The following DCLK2 variants were observed in gnomAD, a reference collection of about 807,000 sequenced individuals.
DCLK2 encodes the protein doublecortin like kinase 2.
DCLK2 carries 31 observed loss-of-function variants against 78.4 expected under a neutral mutation model. The observed-to-expected ratio is 0.40, with a 90% CI of 0.30 to 0.53. The LOEUF (loss-of-function observed/expected upper bound fraction) is 0.53, where lower values mean the gene tolerates loss of function less well. Among genes scored for constraint, DCLK2 ranks in the 20% least tolerant of loss-of-function variants. DCLK2 has a pLI of 0.61. For synonymous variants in DCLK2, 407 were observed against 374.9 expected (o/e 1.09, Z -0.99); for missense variants, 872 against 973.7 (o/e 0.90, Z 1.39).
At chr4:150,104,088 C>T (rs1401141847) in intron 2 of DCLK2, among the ~76,000 whole-genome samples, 1 of 151,714 alleles carries the variant, frequency 6.6e-6, no homozygotes, top group Non-Finnish European at 1.5e-5. Context: ...TTTAAGATAC[C>T]TAACCAAAGA....
chr4:150,248,371 C>T lies in DCLK2; in HGVS notation c.1942C>T (p.His648Tyr). Reference protein sequence around the residue: ...ARCTAGQILSHPWVSDDASQE... With the variant: ...ARCTAGQILSYPWVSDDASQE... ...GTGTACCGCGGGACAAATCCTGAGT[C>T]ACCCCTGGGTGTCAGTAAGTACCCA... is the stretch of plus-strand genomic sequence containing the variant. The change falls in exon 14 of 16, where the codon CAC (histidine) becomes TAC (tyrosine). Residue 648 changes from histidine to tyrosine, a missense_variant. Around this residue, in one of 3 missense-constraint regions of DCLK2, gnomAD observed 219 missense variants for 230.1 expected, o/e 0.95. Coordinates refer to ENST00000296550, the MANE Select transcript of DCLK2 (RefSeq NM_001040260.4). 1 of 1,613,890 alleles carries T rather than the reference C, an allele frequency of 6.2e-7. No homozygotes were observed. Among genetic ancestry groups the T allele is most frequent in the Non-Finnish European group, 8.5e-7 (1 of 1,179,940 alleles).
intron 2 of DCLK2, among the ~76,000 whole-genome samples, chr4:150,130,083 G>A (rs972568297): frequency 3.9e-5 from 6 of 152,094 alleles, no homozygotes; most frequent in African/African-American, 1.2e-4. Flanking sequence ...TGTTTTGCAC[G>A]GAAGTTTTTA....
chr4:150,210,714 G>A (rs1011973230), intron 5 of DCLK2, among the ~76,000 whole-genome samples: 3 of 152,094 alleles, frequency 2.0e-5, no homozygotes, highest in African/African-American at 4.8e-5. Flanking sequence ...TTGGGAGGCC[G>A]AGGTGGGTGG....
chr4:150,086,441 A>G (rs768099695), intron 1 of DCLK2, among the ~76,000 whole-genome samples: 9 of 152,048 alleles, frequency 5.9e-5, no homozygotes, highest in Non-Finnish European at 1.0e-4. Flanking sequence ...TTTCACTAGT[A>G]TCTGAGATTG....
intron 4 of DCLK2, among the ~76,000 whole-genome samples, chr4:150,201,409 G>T (rs1483481851): frequency 1.3e-5 from 2 of 152,130 alleles, no homozygotes; most frequent in Non-Finnish European, 2.9e-5. Flanking sequence ...GGAGAAATGT[G>T]CAGATAAGTG....
chr4:150,174,991 C>A (rs1169126128), intron 2 of DCLK2, among the ~76,000 whole-genome samples: 8 of 32,270 alleles, frequency 2.5e-4, no homozygotes, highest in African/African-American at 9.2e-4. Context: ...GAGTGAGACT[C>A]CGTCGCAAAA....
At position 150,216,702 on chromosome 4, in the gene DCLK2, A is replaced by AATGG. The variant is rs375050779; in HGVS notation, c.1057-3999_1057-3996dup. On this transcript the variant is annotated intron_variant, in intron 5 of 15. Coordinates refer to ENST00000296550, the MANE Select transcript of DCLK2 (RefSeq NM_001040260.4). ...TTTCCCTTCCTTGCTTATTCATAAA[A>AATGG]ATGGAGCCACTGCTGCCAGAGAAGT... is the stretch of plus-strand genomic sequence containing the variant. 1.9e-3 allele frequency among the ~76,000 whole-genome samples: 289 copies of AATGG among 152,220 alleles called. 2 individuals carry two copies. Among genetic ancestry groups the AATGG allele is most frequent in the African/African-American group, 6.6e-3 (276 of 41,528 alleles).
intron 2 of DCLK2, among the ~76,000 whole-genome samples, chr4:150,128,747 GA>G (rs1733086817): frequency 6.6e-6 from 1 of 152,068 alleles, no homozygotes; most frequent in Admixed American, 6.6e-5. Context: ...GTTTTGGCAG[GA>G]AATGAAAAAG....
At chr4:150,201,919 G>T (rs1331836051) in intron 4 of DCLK2, among the ~76,000 whole-genome samples, 2 of 152,120 alleles carry the variant, frequency 1.3e-5, no homozygotes, top group Admixed American at 1.3e-4. Flanking sequence ...TTTTTTTAAA[G>T]ACTTTATTTT....
intron 2 of DCLK2, among the ~76,000 whole-genome samples, chr4:150,184,432 A>AGAC (rs1580669482): frequency 1.3e-5 from 2 of 152,334 alleles, no homozygotes; most frequent in East Asian, 3.9e-4. Context: ...AAACTAAAAT[A>AGAC]TTTAGACTTT....
intron 12 of DCLK2, among the ~76,000 whole-genome samples, chr4:150,245,402 G>C (rs542572130): frequency 1.2e-4 from 18 of 152,096 alleles, no homozygotes; most frequent in Admixed American, 7.2e-4. Context: ...AAGTTCTAGG[G>C]TACATGTGCC....
In DCLK2 at chr4:150,078,997, T is replaced by A; in HGVS notation, c.-31T>A. 7 of 1,507,548 alleles carry A rather than the reference T, an allele frequency of 4.6e-6. No individual in the cohort carries two copies. The highest frequency in any genetic ancestry group is 6.2e-6 in the Non-Finnish European group (7 of 1,131,730). The allele number at this position is 1,507,548 out of a possible 1,614,324, so 93.4% of individuals were successfully genotyped here. A position where few individuals can be genotyped will look rare whatever the true frequency, so the allele number is the denominator to read the frequency against. On this transcript the variant is annotated 5_prime_UTR_variant, in exon 1 of 16. Coordinates refer to ENST00000296550, the MANE Select transcript of DCLK2 (RefSeq NM_001040260.4). ...TCGCACCCTTAGTCGGCCCGGAACG[T>A]CTTTTTGCGGACGCCCTCGGAGCAG...
chr4:150,107,370 T>C (rs909446725), intron 2 of DCLK2, among the ~76,000 whole-genome samples: 6 of 142,606 alleles, frequency 4.2e-5, no homozygotes, highest in African/African-American at 1.6e-4. Flanking sequence ...AGGGTTTTTT[T>C]GGTTATTGTT....
chr4:150,113,278 C>T (rs1731833638), intron 2 of DCLK2, among the ~76,000 whole-genome samples: 1 of 152,068 alleles, frequency 6.6e-6, no homozygotes, highest in Non-Finnish European at 1.5e-5. Context: ...AGGGTGGATT[C>T]CCTCTTTCTC....
At chr4:150,203,642 T>G (rs1739619005) in intron 4 of DCLK2, among the ~76,000 whole-genome samples, 153 bp from the exon 5 acceptor site, 1 of 151,194 alleles carries the variant, frequency 6.6e-6, no homozygotes, top group Non-Finnish European at 1.5e-5. Context: ...AGATACATTA[T>G]TTTTGCTTTT....
rs368925890 is a variant in DCLK2 at position 150,220,769 on chromosome 4, A to C, written c.1123A>C (p.Ser375Arg). Residue 375 changes from serine (S) to arginine (R), a missense_variant, in exon 6 of 16, where the codon AGT becomes CGT. Transcript: ENST00000296550. ...TGGACCTGAGCTTGACCGTTGCATA[A>C]GTCCTGAAGGTAGTTCTCAGTCTGA... ...NGGPELDRCI[S>R]PEGVNGNRCS... The C allele has an allele frequency of 1.1e-5, 17 of 1,613,308 alleles. No individual in the cohort carries two copies. The highest frequency in any genetic ancestry group is 1.4e-5 in the Non-Finnish European group (16 of 1,179,490).
intron 2 of DCLK2, among the ~76,000 whole-genome samples, chr4:150,129,368 T>G (rs1311595545): frequency 6.6e-6 from 1 of 152,156 alleles, no homozygotes; most frequent in Non-Finnish European, 1.5e-5. Flanking sequence ...GTGAAAATGC[T>G]TCTACGCTTT....
At chr4:150,221,317 GTTTTT>G (rs764898623) in intron 6 of DCLK2, among the ~76,000 whole-genome samples, 1 of 135,256 alleles carries the variant, frequency 7.4e-6, no homozygotes, top group African/African-American at 2.7e-5. Context: ...TCCTTTCTTT[GTTTTT>G]TTTTTTTTTC....
intron 1 of DCLK2, among the ~76,000 whole-genome samples, chr4:150,083,087 G>A (rs1318278044): frequency 7.9e-5 from 12 of 152,124 alleles, no homozygotes; most frequent in African/African-American, 2.7e-4. Context: ...GTATGTACCC[G>A]TTAATTATCT....
Sources: gnomAD v4.1 joint callset for allele counts (sites outside exome capture counted in the v4.1 genomes callset) on GRCh38, gnomAD v4.1.1 for gene constraint, gnomAD v4.1.1 regional missense constraint, MANE v1.5 for transcripts, NCBI Gene and HGNC (gene_info 2026-07-23, HGNC 2026-07-21) for gene names.